Variants in ENTPD8 observed in about 807,000 individuals in gnomAD.
The protein encoded by ENTPD8 is ectonucleoside triphosphate diphosphohydrolase 8.
In ENTPD8, 35 loss-of-function variants were observed where a neutral mutation model predicts 47.0. That is an observed-to-expected ratio of 0.75 (90% CI 0.57 to 0.99). ENTPD8 has a LOEUF of 0.99. ENTPD8 is among the 50% of genes least tolerant of loss of function. The pLI, the probability that ENTPD8 is intolerant of heterozygous loss-of-function variation, is 0.00. For synonymous variants in ENTPD8, 308 were observed against 290.5 expected (o/e 1.06, Z -0.61); for missense variants, 668 against 649.9 (o/e 1.03, Z -0.30).
rs1400545380 is a variant in ENTPD8 at position 137,436,597 on chromosome 9, T to C, written c.710A>G (p.Tyr237Cys). Residue 237 changes from tyrosine to cysteine, a missense_variant, in exon 6 of 10, where the codon TAC becomes TGC. Tyr to Cys is a radical substitution (Grantham distance 194). Coordinates refer to ENST00000371506, the MANE Select transcript of ENTPD8 (RefSeq NM_001033113.2). Reference sequence around the variant, plus strand: ...CAGGTAGCTGTGAGTGTAGACGCTGTAGTCGGAGCCGTAGAGGCGAAAATC... The same window carrying C: ...CAGGTAGCTGTGAGTGTAGACGCTGCAGTCGGAGCCGTAGAGGCGAAAATC... ...QADFRLYGSDYSVYTHSYLCF... is the reference protein window; with the variant it reads ...QADFRLYGSDCSVYTHSYLCF... 3.7e-6 allele frequency: 6 copies of C among 1,611,666 alleles called. No homozygotes were observed. The highest frequency in any genetic ancestry group is 4.2e-6 in the Non-Finnish European group (5 of 1,179,574).
chr9:137,435,243 G>T lies in ENTPD8; in HGVS notation c.1257C>A (p.Phe419Leu). ...ILTLLHEGYG[F>L]SEETWPSLEF... ...CGAGGCTGGGCCAGGTCTCCTCGCT[G>T]AACCCGTAGCCCTCGTGCAGGAGGG... is the stretch of plus-strand genomic sequence containing the variant. The change falls in exon 9 of 10, where the codon TTC becomes TTA. Residue 419 changes from phenylalanine (F) to leucine (L), a missense_variant. By Grantham distance (22) the Phe-to-Leu change is conservative (BLOSUM62 0). Coordinates refer to ENST00000371506, the MANE Select transcript of ENTPD8 (RefSeq NM_001033113.2). 1 of 1,612,322 alleles carries T rather than the reference G, an allele frequency of 6.2e-7. No homozygotes were observed.
In ENTPD8 at chr9:137,438,609, C is replaced by T. The variant is rs1839435846; in HGVS notation, c.-20-304G>A. Among the ~76,000 whole-genome samples the T allele has an allele frequency of 6.7e-6, 1 of 148,152 alleles. No homozygotes were observed. Among genetic ancestry groups the T allele is most frequent in the African/African-American group, 2.4e-5 (1 of 40,996 alleles). ...GCATCCCCGGGGCTCAGACGGCCTCCCGTGGCCATAGAGGCATCCCCGGGG... is the reference window on the plus strand; with the variant it reads ...GCATCCCCGGGGCTCAGACGGCCTCTCGTGGCCATAGAGGCATCCCCGGGG... On this transcript the variant is annotated intron_variant, in intron 1 of 9. Transcript: ENST00000371506. The surrounding 1 kb of genome is among the most constrained non-coding windows in gnomAD (Gnocchi z 5.7).
Position 137,435,573 on chromosome 9 carries a change from T to TGGAGC in ENTPD8, c.1161+145_1161+146insGCTCC. 7 of 1,008,242 alleles carry TGGAGC rather than the reference T, an allele frequency of 6.9e-6. No homozygotes were observed. The South Asian group carries it at 1.1e-4, about 16-fold the overall frequency. 62.5% of individuals were successfully genotyped at this position (1,008,242 alleles called of 1,614,324 possible). The stretch of plus-strand genomic sequence containing the variant: ...CGTGGCCACAGCCTCCTACCTGGAG[T>TGGAGC]GGCACGGCCTGGAGCTGTCCTCTGC... On this transcript the variant is annotated intron_variant, in intron 8 of 9. Coordinates refer to ENST00000371506, the MANE Select transcript of ENTPD8 (RefSeq NM_001033113.2).
In ENTPD8 at chr9:137,434,869, C is replaced by A; in HGVS notation, c.*45G>T. ...CTCAGGAAGCCTCCAGCATCCGGGA[C>A]GCAGCTGCCTGTGGGCTCTGTGGGG... On this transcript the variant is annotated 3_prime_UTR_variant, in exon 10 of 10. Transcript: ENST00000371506. The A allele has an allele frequency of 6.5e-7, 1 of 1,536,302 alleles. No individual in the cohort carries two copies. Among genetic ancestry groups the A allele is most frequent in the Non-Finnish European group, 8.8e-7 (1 of 1,140,712 alleles).
At chr9:137,436,776 C>G in intron 5 of ENTPD8, 25 bp from the exon 6 acceptor site, 1 of 1,602,410 alleles carries the variant, frequency 6.2e-7, no homozygotes, top group East Asian at 2.2e-5. Context: ...GGCCACTCAG[C>G]TGGGAGCAGC....
At position 137,434,572 on chromosome 9, in the gene ENTPD8, A is replaced by G; in HGVS notation, c.*342T>C. ...CCCCTCCTGAGGCCCCATCAGGAGC[A>G]GGACCCCTGTGCCTCCGTGGTCTTG... On this transcript the variant is annotated 3_prime_UTR_variant, in exon 10 of 10. Coordinates refer to ENST00000371506, the MANE Select transcript of ENTPD8 (RefSeq NM_001033113.2). The G allele has an allele frequency of 3.3e-6, 2 of 614,362 alleles. No homozygotes were observed. The highest frequency in any genetic ancestry group is 4.4e-5 in the South Asian group (2 of 45,654). 38.1% of individuals were successfully genotyped at this position (614,362 alleles called of 1,614,324 possible).
intron 5 of ENTPD8, 54 bp downstream of exon 5, chr9:137,436,815 C>T (rs1238768528): frequency 1.9e-6 from 3 of 1,604,286 alleles, no homozygotes; most frequent in African/African-American, 2.7e-5. Flanking sequence ...GTCAGCCAGC[C>T]CCAGACACCA....
At chr9:137,439,399 A>G (rs1217737161) in intron 1 of ENTPD8, among the ~76,000 whole-genome samples, 2 of 152,090 alleles carry the variant, frequency 1.3e-5, no homozygotes. Flanking sequence ...GCTGCCTGCC[A>G]AGGTCCCGGC....
chr9:137,434,978 A>G lies in ENTPD8; in HGVS notation c.1424T>C (p.Met475Thr). 1 of 1,613,032 alleles carries G rather than the reference A, an allele frequency of 6.2e-7. No individual in the cohort carries two copies. Among genetic ancestry groups the G allele is most frequent in the Non-Finnish European group, 8.5e-7 (1 of 1,179,898 alleles). The change falls in exon 10 of 10, where the codon ATG becomes ACG. Residue 475 changes from methionine (M) to threonine (T), a missense_variant. Physicochemically the swap from Met to Thr is moderately conservative, Grantham distance 81. Coordinates refer to ENST00000371506, the MANE Select transcript of ENTPD8 (RefSeq NM_001033113.2). ...CACCACCGCCACCAGGGCCAGCACC[A>G]TGAACACCACTTTGGCCACCCAGAC... ...YGVWVAKVVF[M>T]VLALVAVVGA...
chr9:137,436,477 C>G, intron 6 of ENTPD8, 44 bp downstream of exon 6: 1 of 1,552,044 alleles, frequency 6.4e-7, no homozygotes, highest in Non-Finnish European at 8.8e-7. Flanking sequence ...GTGCCCATAG[C>G]CCTGTTCCCA....
Position 137,437,019 on chromosome 9 carries a change from G to C in ENTPD8, c.405C>G (p.Asn135Lys). The C allele has an allele frequency of 6.2e-7, 1 of 1,612,414 alleles. No individual in the cohort carries two copies. The highest frequency in any genetic ancestry group is 8.5e-7 in the Non-Finnish European group (1 of 1,179,644). ...CAAAGATGTCCCTGGCCTGAGAGCT[G>C]TTCTTCCGGCTGGGCACAGAGGACC... ...TAGMRLLSRK[N>K]SSQARDIFAA... The change falls in exon 5 of 10, where the codon AAC becomes AAG. Residue 135 changes from asparagine (N) to lysine (K), a missense_variant. Transcript: ENST00000371506.
At position 137,437,086 on chromosome 9, in the gene ENTPD8, T is replaced by C. The variant is rs1839386622; in HGVS notation, c.396-58A>G. On this transcript the variant is annotated intron_variant, in intron 4 of 9. Transcript: ENST00000371506. ...TGGAAGCCTGGGCCCGGCCCCACCC[T>C]GCCTGCCACGCTGGCTGAGACCATG... is the stretch of plus-strand genomic sequence containing the variant. 4 of 1,601,154 alleles carry C rather than the reference T, an allele frequency of 2.5e-6. No homozygotes were observed. The South Asian group carries it at 4.5e-5, about 18-fold the overall frequency.
chr9:137,437,910 C>G, intron 3 of ENTPD8, 57 bp downstream of exon 3: 1 of 1,466,580 alleles, frequency 6.8e-7, no homozygotes, highest in Non-Finnish European at 9.4e-7. Context: ...AGCTGGGAAT[C>G]CCAGCCAGGC....
rs373856302 is a variant in ENTPD8 at position 137,434,950 on chromosome 9, C to T, written c.1452G>A (p.Gly484=). The T allele has an allele frequency of 4.3e-6, 7 of 1,612,386 alleles. No homozygotes were observed. Among genetic ancestry groups the T allele is most frequent in the Non-Finnish European group, 5.9e-6 (7 of 1,179,694 alleles). Residue 484 remains glycine, a synonymous_variant, in exon 10 of 10, where the codon GGG becomes GGA. Transcript: ENST00000371506. ...ACCAGAAGAGCTGGACCAAGGCAGC[C>T]CCCACCACCGCCACCAGGGCCAGCA... The part of the protein sequence containing the change: ...FMVLALVAVV[G]AALVQLFWLQ...
Position 137,441,269 on chromosome 9 carries a change from T to G in ENTPD8, c.-21+17A>C, listed in dbSNP as rs1839521353. 3.4e-6 allele frequency: 1 copy of G among 295,504 alleles called. No homozygotes were observed. Among genetic ancestry groups the G allele is most frequent in the African/African-American group, 2.3e-5 (1 of 43,070 alleles). 18.3% of individuals were successfully genotyped at this position (295,504 alleles called of 1,614,324 possible). ...AGACCAGGACAGCCCCCCCAGGACA[T>G]CCCTTTGGACCCTCACCTGGGCTGG... On this transcript the variant is annotated intron_variant, in intron 1 of 9. Transcript: ENST00000371506.
chr9:137,436,926 C>T lies in ENTPD8; in HGVS notation c.498G>A (p.Gln166=). The T allele has an allele frequency of 1.9e-6, 3 of 1,613,076 alleles. No individual in the cohort carries two copies. The highest frequency in any genetic ancestry group is 2.5e-6 in the Non-Finnish European group (3 of 1,179,960). The change falls in exon 5 of 10, where the codon CAG becomes CAA. Residue 166 remains glutamine, a synonymous_variant. Coordinates refer to ENST00000371506, the MANE Select transcript of ENTPD8 (RefSeq NM_001033113.2). The part of the protein sequence containing the change: ...DFWGAELLAG[Q]AEGAFGWITV... ...TGATCCAACCAAAGGCACCTTCGGCCTGCCCGGCCAGGAGCTCGGCACCCC... is the reference window on the plus strand; with the variant it reads ...TGATCCAACCAAAGGCACCTTCGGCTTGCCCGGCCAGGAGCTCGGCACCCC...
rs1227580807 is a variant in ENTPD8 at position 137,438,819 on chromosome 9, C to A, written c.-20-514G>T. Among the ~76,000 whole-genome samples, 1 of 152,108 alleles carries A rather than the reference C, an allele frequency of 6.6e-6. No homozygotes were observed. Among genetic ancestry groups the A allele is most frequent in the Admixed American group, 6.5e-5 (1 of 15,288 alleles). The stretch of plus-strand genomic sequence containing the variant: ...ACAGCCCCAGCAGGATCCAAGTAGC[C>A]CCCTCGGACCCCCTCGGATGGGACT... On this transcript the variant is annotated intron_variant, in intron 1 of 9. Transcript: ENST00000371506. The surrounding 1 kb of genome is among the most constrained non-coding windows in gnomAD (Gnocchi z 5.7).
rs537053707 is a variant in ENTPD8 at position 137,438,688 on chromosome 9, G to A, written c.-20-383C>T. 4.6e-5 allele frequency among the ~76,000 whole-genome samples: 7 copies of A among 152,178 alleles called. No individual in the cohort carries two copies. The highest frequency in any genetic ancestry group is 1.9e-4 in the East Asian group (1 of 5,166). ...CATCCCCGGGGCTCAGACGCCTCCCGTGGCCAAGGACCACTCCCCAGGAGC... is the reference window on the plus strand; with the variant it reads ...CATCCCCGGGGCTCAGACGCCTCCCATGGCCAAGGACCACTCCCCAGGAGC... On this transcript the variant is annotated intron_variant, in intron 1 of 9. Coordinates refer to ENST00000371506, the MANE Select transcript of ENTPD8 (RefSeq NM_001033113.2). The surrounding 1 kb of genome is among the most constrained non-coding windows in gnomAD (Gnocchi z 5.7).
chr9:137,434,585 C>T lies in ENTPD8; in HGVS notation c.*329G>A, dbSNP rs958764399. On this transcript the variant is annotated 3_prime_UTR_variant, in exon 10 of 10. Coordinates refer to ENST00000371506, the MANE Select transcript of ENTPD8 (RefSeq NM_001033113.2). The stretch of plus-strand genomic sequence containing the variant: ...CCCATCAGGAGCAGGACCCCTGTGC[C>T]TCCGTGGTCTTGCCCTGTTTGCAGG... The T allele has an allele frequency of 6.7e-6, 4 of 599,364 alleles. No homozygotes were observed. The highest frequency in any genetic ancestry group is 3.3e-5 in the Admixed American group (1 of 30,032). 37.1% of individuals were successfully genotyped at this position (599,364 alleles called of 1,614,324 possible). A position where few individuals can be genotyped will look rare whatever the true frequency, so the allele number is the denominator to read the frequency against.
Sources: allele counts gnomAD v4.1 joint callset (sites outside exome capture counted in the v4.1 genomes callset), GRCh38; gene constraint gnomAD v4.1.1; non-coding constraint Gnocchi (gnomAD v3.1); transcripts MANE v1.5; gene names NCBI Gene and HGNC (gene_info 2026-07-23, HGNC 2026-07-21).